IHO1: variants seen among roughly 807,000 people sequenced by gnomAD.
The protein encoded by IHO1 is interactor of HORMAD1 protein 1.
IHO1 carries 13 observed loss-of-function variants against 31.0 expected under a neutral mutation model. The ratio of observed to expected loss-of-function variants is 0.42; its 90% CI spans 0.27 to 0.67. The LOEUF (loss-of-function observed/expected upper bound fraction) is 0.67. IHO1 is among the 30% of genes least tolerant of loss of function. The probability of loss-of-function intolerance (pLI) is 0.24; values close to 1 mark genes in which losing one functional copy is unlikely to be tolerated. For synonymous variants in IHO1, 221 were observed against 248.4 expected (o/e 0.89, Z 1.04); for missense variants, 599 against 687.5 (o/e 0.87, Z 1.44).
intron 6 of IHO1, among the ~76,000 whole-genome samples, chr3:49,248,437 CAA>C (rs2046722892): frequency 6.8e-6 from 1 of 147,132 alleles, no homozygotes; most frequent in African/African-American, 2.5e-5. Context: ...CAAAACAAAA[CAA>C]AACAAAAGCC....
intron 2 of IHO1, among the ~76,000 whole-genome samples, chr3:49,216,124 G>A (rs971139620): frequency 2.0e-5 from 3 of 152,126 alleles, no homozygotes; most frequent in Non-Finnish European, 4.4e-5. Context: ...TTTGATAAAG[G>A]AATGATTTGT....
At chr3:49,211,577 C>A (rs867268742) in intron 1 of IHO1, among the ~76,000 whole-genome samples, 189 bp from the exon 2 acceptor site, 1 of 150,132 alleles carries the variant, frequency 6.7e-6, no homozygotes, top group African/African-American at 2.5e-5. Context: ...GAGCCAAGAT[C>A]GAGCCACGGC....
At chr3:49,230,686 T>C (rs1044133152) in intron 2 of IHO1, among the ~76,000 whole-genome samples, 2 of 152,228 alleles carry the variant, frequency 1.3e-5, no homozygotes, top group Non-Finnish European at 2.9e-5. Context: ...TATTTATAGC[T>C]TCTGACAAAA....
chr3:49,235,508 G>A (rs927570899), intron 2 of IHO1, among the ~76,000 whole-genome samples: 41 of 152,032 alleles, frequency 2.7e-4, no homozygotes, highest in Non-Finnish European at 8.8e-5. Flanking sequence ...GATTACAGGC[G>A]TGAGCCACCG....
chr3:49,225,689 A>G (rs1324146512), intron 2 of IHO1, among the ~76,000 whole-genome samples: 1 of 152,206 alleles, frequency 6.6e-6, no homozygotes, highest in Admixed American at 6.5e-5. Flanking sequence ...AAGACATGTG[A>G]AAAGAGCAAA....
intron 2 of IHO1, among the ~76,000 whole-genome samples, chr3:49,231,726 A>T (rs2107712716): frequency 6.6e-6 from 1 of 152,336 alleles, no homozygotes; most frequent in East Asian, 1.9e-4. Flanking sequence ...CCTTTAACTG[A>T]AGGAAATCAA....
At chr3:49,209,623 G>A (rs953535361) in intron 1 of IHO1, among the ~76,000 whole-genome samples, 7 of 151,206 alleles carry the variant, frequency 4.6e-5, no homozygotes, top group Non-Finnish European at 8.8e-5. Flanking sequence ...GTGACAGAGT[G>A]GGACTTCATC....
At chr3:49,253,828 C>CTTTTTT (rs139087366) in intron 6 of IHO1, among the ~76,000 whole-genome samples, 14 of 72,232 alleles carry the variant, frequency 1.9e-4, no homozygotes, top group Non-Finnish European at 2.7e-4. Flanking sequence ...CTTTATTTGT[C>CTTTTTT]TTTTTTTTTT....
chr3:49,257,096 C>T lies in IHO1; in HGVS notation c.1599C>T (p.Leu533=). The change falls in exon 8 of 8, where the codon CTC becomes CTT. Residue 533 remains leucine (L), a synonymous_variant. Coordinates refer to ENST00000452691, the MANE Select transcript of IHO1 (RefSeq NM_001135197.2). ...NKTVRAVQGR[L]LQLSRCSSQD... ...CAGTAAGGGCAGTGCAGGGAAGACTCTTGCAGCTCAGCAGGTGCTCTTCCC... is the reference window on the plus strand; with the variant it reads ...CAGTAAGGGCAGTGCAGGGAAGACTTTTGCAGCTCAGCAGGTGCTCTTCCC... The T allele has an allele frequency of 1.2e-6, 2 of 1,614,212 alleles. No individual in the cohort carries two copies. Among genetic ancestry groups the T allele is most frequent in the Non-Finnish European group, 1.7e-6 (2 of 1,180,054 alleles).
chr3:49,242,393 G>C (rs950241900), intron 4 of IHO1, among the ~76,000 whole-genome samples: 1 of 151,772 alleles, frequency 6.6e-6, no homozygotes, highest in African/African-American at 2.4e-5. Context: ...CTCTCAAAGT[G>C]CTGGGATTAC....
intron 6 of IHO1, chr3:49,245,781 C>T (rs1261122248): frequency 1.3e-5 from 2 of 152,128 alleles, no homozygotes; most frequent in African/African-American, 2.4e-5. Context: ...AAATTAATGC[C>T]TTTTTGTGGC....
At chr3:49,234,063 A>G (rs1045683242) in intron 2 of IHO1, among the ~76,000 whole-genome samples, 4 of 152,022 alleles carry the variant, frequency 2.6e-5, no homozygotes, top group African/African-American at 9.7e-5. Flanking sequence ...ATGTGGGTCA[A>G]ACTCTGTTCG....
chr3:49,238,429 G>A (rs1021311759), intron 3 of IHO1, among the ~76,000 whole-genome samples: 4 of 152,124 alleles, frequency 2.6e-5, no homozygotes, highest in Non-Finnish European at 1.5e-5. Flanking sequence ...GTGTGCACCG[G>A]CTCAGCGGAT....
chr3:49,205,933 C>T (rs1238554404), intron 1 of IHO1, among the ~76,000 whole-genome samples: 2 of 151,530 alleles, frequency 1.3e-5, no homozygotes, highest in Non-Finnish European at 2.9e-5. Flanking sequence ...CCACGTCCAG[C>T]TAATTTTTGT....
At chr3:49,230,998 T>G (rs2046475453) in intron 2 of IHO1, among the ~76,000 whole-genome samples, 2 of 152,166 alleles carry the variant, frequency 1.3e-5, no homozygotes, top group African/African-American at 4.8e-5. Context: ...ATAGAATAGA[T>G]ACAGAGAAGA....
chr3:49,248,040 G>A (rs147518709), intron 6 of IHO1, among the ~76,000 whole-genome samples: 4 of 150,688 alleles, frequency 2.7e-5, no homozygotes, highest in Admixed American at 1.3e-4. Flanking sequence ...CAGGAGAATC[G>A]TTTGAACCTG....
At position 49,256,849 on chromosome 3, in the gene IHO1, C is replaced by G; in HGVS notation, c.1352C>G (p.Ala451Gly). ...CAGCAGCCCAGGAAGGCCCACAGGG[C>G]CCACAGAGGCAGGCTCATAGCCAGC... is the stretch of plus-strand genomic sequence containing the variant. ...KKQQPRKAHR[A>G]HRGRLIASKQ... Residue 451 changes from alanine to glycine, a missense_variant, in exon 8 of 8, where the codon GCC (alanine) becomes GGC (glycine). Physicochemically the swap from Ala to Gly is moderately conservative, Grantham distance 60 (BLOSUM62 0). Coordinates refer to ENST00000452691, the MANE Select transcript of IHO1 (RefSeq NM_001135197.2). This position sits in a 1 kb window ranked among gnomAD's most constrained non-coding sequence, Gnocchi z 4.6. The G allele has an allele frequency of 3.1e-6, 5 of 1,614,222 alleles. No homozygotes were observed. The highest frequency in any genetic ancestry group is 4.2e-6 in the Non-Finnish European group (5 of 1,180,044).
At chr3:49,231,086 C>A (rs904150017) in intron 2 of IHO1, among the ~76,000 whole-genome samples, 9 of 152,192 alleles carry the variant, frequency 5.9e-5, no homozygotes, top group Non-Finnish European at 1.2e-4. Flanking sequence ...AGTAGAATGG[C>A]TTTTTCTTCC....
intron 2 of IHO1, among the ~76,000 whole-genome samples, 192 bp from the exon 3 acceptor site, chr3:49,236,356 C>A (rs1412099673): frequency 3.3e-5 from 5 of 152,052 alleles, no homozygotes; most frequent in African/African-American, 1.2e-4. Context: ...TGGTTGTTCC[C>A]AGATAGTAAT....
Sources: allele counts gnomAD v4.1 joint callset (sites outside exome capture counted in the v4.1 genomes callset), GRCh38; gene constraint gnomAD v4.1.1; non-coding constraint Gnocchi (gnomAD v3.1); transcripts MANE v1.5; gene names NCBI Gene and HGNC (gene_info 2026-07-23, HGNC 2026-07-21).